CCDC141: variants seen among roughly 807,000 people sequenced by gnomAD.
CCDC141 encodes the protein coiled-coil domain-containing protein 141.
Under a neutral mutation model 181.0 loss-of-function variants are expected in CCDC141, and 168 were observed. The observed-to-expected ratio is 0.93, with a 90% CI of 0.82 to 1.05. CCDC141 has a LOEUF of 1.05. Ranked by LOEUF, CCDC141 falls within the 50% of genes least tolerant of loss-of-function variation. The probability of loss-of-function intolerance (pLI) is 0.00; values close to 1 mark genes in which losing one functional copy is unlikely to be tolerated. For synonymous variants in CCDC141, 666 were observed against 642.3 expected (o/e 1.04, Z -0.56); for missense variants, 1,902 against 1,788.5 (o/e 1.06, Z -1.14).
intron 6 of CCDC141, among the ~76,000 whole-genome samples, chr2:178,925,547 T>C (rs1191039350): frequency 2.0e-5 from 3 of 152,262 alleles, no homozygotes; most frequent in Non-Finnish European, 4.4e-5. Flanking sequence ...TCAACATAGA[T>C]GAAAATTTAA....
At chr2:178,925,775 A>G (rs1688886307) in intron 6 of CCDC141, among the ~76,000 whole-genome samples, 1 of 152,126 alleles carries the variant, frequency 6.6e-6, no homozygotes, top group Non-Finnish European at 1.5e-5. Flanking sequence ...CAATTTGCCT[A>G]CAATCAGATT....
chr2:178,865,786 A>G lies in CCDC141; in HGVS notation c.2705T>C (p.Met902Thr). The change falls in exon 17 of 24, where the codon ATG becomes ACG. Residue 902 changes from methionine (M) to threonine (T), a missense_variant. Transcript: ENST00000443758. Reference sequence around the variant, plus strand: ...ACCCACCTCATTTATCTCGTCTCTCATGGCGCAGTACTCCACACTACGGGA... The same window carrying G: ...ACCCACCTCATTTATCTCGTCTCTCGTGGCGCAGTACTCCACACTACGGGA... Reference protein sequence around the residue: ...TLSRSVEYCAMRDEINELKDS... With the variant: ...TLSRSVEYCATRDEINELKDS... 1 of 1,560,294 alleles carries G rather than the reference A, an allele frequency of 6.4e-7. No individual in the cohort carries two copies. The highest frequency in any genetic ancestry group is 8.7e-7 in the Non-Finnish European group (1 of 1,155,402).
intron 6 of CCDC141, among the ~76,000 whole-genome samples, chr2:178,923,654 T>G (rs1688804099): frequency 1.3e-5 from 2 of 152,184 alleles, no homozygotes; most frequent in African/African-American, 4.8e-5. Context: ...TTTCCTTGGC[T>G]TTTCAATTTG....
intron 2 of CCDC141, among the ~76,000 whole-genome samples, chr2:178,980,164 T>C (rs1387932308): frequency 2.6e-5 from 4 of 152,124 alleles, no homozygotes; most frequent in African/African-American, 4.8e-5. Context: ...GGAGAGTAGA[T>C]AGCTTCAAGG....
intron 2 of CCDC141, among the ~76,000 whole-genome samples, chr2:179,042,820 C>A (rs914005842): frequency 6.6e-5 from 10 of 151,914 alleles, no homozygotes; most frequent in African/African-American, 2.2e-4. Flanking sequence ...GAATCAAGAG[C>A]AAACAACCCA....
At chr2:178,994,964 A>G (rs547575532) in intron 2 of CCDC141, among the ~76,000 whole-genome samples, 1 of 152,326 alleles carries the variant, frequency 6.6e-6, no homozygotes, top group South Asian at 2.1e-4. Context: ...TTTACTGTCC[A>G]TATCTCTATC....
intron 17 of CCDC141, among the ~76,000 whole-genome samples, chr2:178,857,105 A>G (rs1685420432): frequency 6.6e-6 from 1 of 152,174 alleles, no homozygotes; most frequent in South Asian, 2.1e-4. Context: ...ATTTGAATTT[A>G]TTTGATATCT....
intron 4 of CCDC141, among the ~76,000 whole-genome samples, chr2:178,966,021 G>A (rs1420421022): frequency 6.6e-6 from 1 of 152,196 alleles, no homozygotes; most frequent in Non-Finnish European, 1.5e-5. Context: ...TTGAACTGGT[G>A]GGAGCCCACT....
chr2:178,849,806 A>T (rs1360633794), intron 21 of CCDC141, among the ~76,000 whole-genome samples: 2 of 152,234 alleles, frequency 1.3e-5, no homozygotes, highest in Admixed American at 6.5e-5. Flanking sequence ...TGAAAATGTA[A>T]ACCAGACACC....
intron 8 of CCDC141, among the ~76,000 whole-genome samples, chr2:178,901,122 G>A (rs1687666818): frequency 1.3e-5 from 2 of 152,102 alleles, no homozygotes; most frequent in African/African-American, 4.8e-5. Flanking sequence ...GAACTCCAGA[G>A]ATTTGGGCAG....
At chr2:178,969,517 CA>C (rs1330271155) in intron 4 of CCDC141, among the ~76,000 whole-genome samples, 1 of 152,066 alleles carries the variant, frequency 6.6e-6, no homozygotes, top group Non-Finnish European at 1.5e-5. Flanking sequence ...GAACCAATGA[CA>C]AAAAACACAT....
intron 2 of CCDC141, among the ~76,000 whole-genome samples, chr2:179,011,376 A>T (rs902406816): frequency 6.6e-6 from 1 of 152,220 alleles, no homozygotes; most frequent in African/African-American, 2.4e-5. Flanking sequence ...AGAGACAAAG[A>T]AGGACATTAT....
chr2:178,934,025 T>C (rs1689193815), intron 6 of CCDC141, among the ~76,000 whole-genome samples: 2 of 152,136 alleles, frequency 1.3e-5, no homozygotes, highest in African/African-American at 4.8e-5. Context: ...CATTTTAAGA[T>C]TGACATTTTT....
At chr2:178,834,496 C>T (rs886326422) in intron 23 of CCDC141, 56 bp from the exon 24 acceptor site, 6 of 1,515,082 alleles carry the variant, frequency 4.0e-6, no homozygotes, top group Non-Finnish European at 5.3e-6. Context: ...ACATTATTTC[C>T]AAGTTCTAAT....
rs1307791623 is a variant in CCDC141, at chr2:178,834,534, T to G, written c.4326-94A>C. ...TGCTTGCAAATAGGCCCATTACCAC[T>G]GCAATATTCTCTTAGGATTAGTAGG... On this transcript the variant is annotated intron_variant, in intron 23 of 23. Transcript: ENST00000443758. The G allele has an allele frequency of 9.9e-6, 13 of 1,315,712 alleles. No homozygotes were observed. In the Middle Eastern group the frequency reaches 7.4e-4, roughly 75 times the overall value. The allele number at this position is 1,315,712 out of a possible 1,614,324, so 81.5% of individuals were successfully genotyped here.
At chr2:179,008,483 G>C (rs1370421813) in intron 2 of CCDC141, among the ~76,000 whole-genome samples, 4 of 152,132 alleles carry the variant, frequency 2.6e-5, no homozygotes, top group Non-Finnish European at 4.4e-5. Flanking sequence ...TCTACAACTT[G>C]ATGTGCTCAA....
Position 178,868,093 on chromosome 2 carries a change from C to T in CCDC141, c.2507G>A (p.Arg836His), listed in dbSNP as rs141786551. ...HLRCSQEKQA[R>H]VDHLHRLALS... ...GGCCAGTCTGTGGAGATGGTCTACA[C>T]GGGCTTGCTTTTCCTGAGAGCACCG... Residue 836 changes from arginine to histidine, a missense_variant, in exon 16 of 24, where the codon CGT becomes CAT. Arg to His is a conservative substitution (Grantham distance 29). Transcript: ENST00000443758. 1.5e-5 allele frequency: 24 copies of T among 1,613,914 alleles called. No homozygotes were observed. Among genetic ancestry groups the T allele is most frequent in the East Asian group, 2.2e-5 (1 of 44,870 alleles).
chr2:178,940,815 C>G (rs567758965), intron 6 of CCDC141, among the ~76,000 whole-genome samples: 3 of 152,172 alleles, frequency 2.0e-5, no homozygotes, highest in African/African-American at 2.4e-5. Flanking sequence ...CTGCTACTTC[C>G]CCCGCCCAGA....
chr2:178,835,319 C>T (rs146471933), intron 23 of CCDC141, among the ~76,000 whole-genome samples: 8 of 152,236 alleles, frequency 5.3e-5, no homozygotes, highest in African/African-American at 1.7e-4. Flanking sequence ...AAAATGACTT[C>T]TAATTATAAA....
Sources: allele counts gnomAD v4.1 joint callset (sites outside exome capture counted in the v4.1 genomes callset), GRCh38; gene constraint gnomAD v4.1.1; transcripts MANE v1.5; gene names NCBI Gene and HGNC (gene_info 2026-07-23, HGNC 2026-07-21).